KCNQ4: variants seen among roughly 807,000 people sequenced by gnomAD.
The protein encoded by KCNQ4 is potassium voltage-gated channel subfamily Q member 4.
A neutral mutation model predicts 72.6 loss-of-function variants in KCNQ4; 31 were observed. That is an observed-to-expected ratio of 0.43 (90% CI 0.32 to 0.58). The LOEUF (loss-of-function observed/expected upper bound fraction) is 0.58, where lower values mean the gene tolerates loss of function less well. Ranked by LOEUF, KCNQ4 falls within the 20% of genes least tolerant of loss-of-function variation. The pLI is 0.08. For missense variants in KCNQ4, 869 were observed against 962.6 expected, an observed-to-expected ratio of 0.90 and a Z score of 1.29; for synonymous variants, 405 against 403.7, an observed-to-expected ratio of 1.00 and a Z score of -0.04.
At chr1:40,800,236 A>G (rs11806761) in intron 1 of KCNQ4, among the ~76,000 whole-genome samples, 67,699 of 151,740 alleles carry the variant, frequency 0.45, 15,950 homozygotes, top group African/African-American at 0.6. Context: ...GGCCCCTCCC[A>G]GGGAGGGATG....
At chr1:40,795,679 G>A (rs928304177) in intron 1 of KCNQ4, among the ~76,000 whole-genome samples, 1 of 152,054 alleles carries the variant, frequency 6.6e-6, no homozygotes, top group Non-Finnish European at 1.5e-5. Context: ...AGAGACATAT[G>A]GGGGAGCGGG....
chr1:40,787,749 T>G lies in KCNQ4; in HGVS notation c.314+3342T>G, dbSNP rs575359147. On this transcript the variant is annotated intron_variant, in intron 1 of 13. Coordinates refer to ENST00000347132, the MANE Select transcript of KCNQ4 (RefSeq NM_004700.4). ...TAAGCCCTGAAGCCTTCACAGGCCC[T>G]GCTCTCTGAATTTTAAGAAATACCA... 6.2e-3 allele frequency among the ~76,000 whole-genome samples: 943 copies of G among 152,304 alleles called. 8 individuals are homozygous for G. The highest frequency in any genetic ancestry group is 0.022 in the African/African-American group (899 of 41,548).
At chr1:40,798,780 A>G (rs1396476567) in intron 1 of KCNQ4, among the ~76,000 whole-genome samples, 1 of 152,240 alleles carries the variant, frequency 6.6e-6, no homozygotes, top group East Asian at 1.9e-4. Flanking sequence ...CTCAAGCCAC[A>G]CCAACCCCTG....
intron 1 of KCNQ4, among the ~76,000 whole-genome samples, chr1:40,810,816 G>T (rs978561083): frequency 6.6e-6 from 1 of 152,144 alleles, no homozygotes; most frequent in Non-Finnish European, 1.5e-5. Context: ...AGTTGTCCCC[G>T]ACCTTTGTGT....
intron 7 of KCNQ4, among the ~76,000 whole-genome samples, chr1:40,821,093 C>T (rs1648275548): frequency 6.6e-6 from 1 of 152,202 alleles, no homozygotes; most frequent in Admixed American, 6.5e-5. Context: ...CAGCCACCAG[C>T]TCAGCCTTTT....
At chr1:40,796,872 C>T (rs1255017483) in intron 1 of KCNQ4, among the ~76,000 whole-genome samples, 2 of 151,892 alleles carry the variant, frequency 1.3e-5, no homozygotes, top group African/African-American at 2.4e-5. Context: ...GAGCCGAGAT[C>T]GTGCCACTGC....
In KCNQ4 at chr1:40,824,224, C is replaced by T. The variant is rs576041348; in HGVS notation, c.1258C>T (p.Arg420Trp). The change falls in exon 9 of 14, where the codon CGG becomes TGG. Residue 420 changes from arginine (R) to tryptophan (W), a missense_variant. Arg to Trp is a moderately radical substitution (Grantham distance 101). Coordinates refer to ENST00000347132, the MANE Select transcript of KCNQ4 (RefSeq NM_004700.4). The part of the protein sequence containing the change: ...SRYPPVATCH[R>W]PGSTSFCPGE... ...TTACCCGCCCGTTGCCACCTGCCACCGGCCGGGCAGCACCTCCTTCTGCCC... is the reference window on the plus strand; with the variant it reads ...TTACCCGCCCGTTGCCACCTGCCACTGGCCGGGCAGCACCTCCTTCTGCCC... The T allele has an allele frequency of 9.5e-5, 153 of 1,607,242 alleles. No individual in the cohort carries two copies. In the East Asian group the frequency reaches 1.3e-3, roughly 13 times the overall value.
intron 1 of KCNQ4, among the ~76,000 whole-genome samples, chr1:40,791,374 G>T (rs1048843632): frequency 1.5e-4 from 23 of 152,140 alleles, no homozygotes; most frequent in African/African-American, 5.3e-4. Context: ...CAGGTGACAG[G>T]GTGCCACTTC....
intron 1 of KCNQ4, among the ~76,000 whole-genome samples, chr1:40,801,291 C>G (rs1408658038): frequency 6.6e-6 from 1 of 152,122 alleles, no homozygotes; most frequent in Non-Finnish European, 1.5e-5. Flanking sequence ...TCTCCTCCTC[C>G]TTTGTTCTGT....
intron 13 of KCNQ4, 64 bp downstream of exon 13, chr1:40,837,858 G>T (rs904274108): frequency 1.9e-6 from 3 of 1,561,124 alleles, no homozygotes; most frequent in Non-Finnish European, 2.6e-6. Flanking sequence ...GCGGTGACAT[G>T]GGGAGGATGC....
rs772135867 is a variant in KCNQ4 at position 40,838,474 on chromosome 1, C to T, written c.2039C>T (p.Ser680Phe). The change falls in exon 14 of 14, where the codon TCC becomes TTC. Residue 680 changes from serine (S) to phenylalanine (F), a missense_variant. Coordinates refer to ENST00000347132, the MANE Select transcript of KCNQ4 (RefSeq NM_004700.4). The part of the protein sequence containing the change: ...SPVDHEDISV[S>F]AQTLSISRSV... Reference sequence around the variant, plus strand: ...GTGGACCACGAGGACATCTCCGTCTCCGCACAGACGCTCAGCATCTCCCGC... The same window carrying T: ...GTGGACCACGAGGACATCTCCGTCTTCGCACAGACGCTCAGCATCTCCCGC... 1.1e-5 allele frequency: 18 copies of T among 1,614,056 alleles called. No homozygotes were observed. The East Asian group carries it at 1.3e-4, about 12-fold the overall frequency.
intron 1 of KCNQ4, among the ~76,000 whole-genome samples, chr1:40,789,952 T>TG (rs1001854104): frequency 2.0e-5 from 3 of 152,290 alleles, no homozygotes; most frequent in African/African-American, 4.8e-5. Context: ...TGTGGGTCTT[T>TG]GGGGAAGGTC....
intron 9 of KCNQ4, among the ~76,000 whole-genome samples, chr1:40,828,369 C>A (rs1395194859): frequency 6.6e-6 from 1 of 152,186 alleles, no homozygotes; most frequent in African/African-American, 2.4e-5. Flanking sequence ...TTGCGACTAT[C>A]ACATGCATGG....
intron 13 of KCNQ4, 66 bp from the exon 14 acceptor site, chr1:40,838,231 CGCCCCGAGACCCAA>C: frequency 1.6e-6 from 2 of 1,222,472 alleles, no homozygotes; most frequent in African/African-American, 3.0e-5. Context: ...GGCTAGGGTC[CGCCCCGAGACCCAA>C]GCCCCGCCCC....
chr1:40,838,270 C>G (rs1332933186), intron 13 of KCNQ4, 41 bp from the exon 14 acceptor site: 1 of 1,584,170 alleles, frequency 6.3e-7, no homozygotes. Flanking sequence ...CGCGTCCCCT[C>G]CGGTCCCAGG....
Position 40,784,741 on chromosome 1 carries a change from C to T in KCNQ4, c.314+334C>T, listed in dbSNP as rs1000840350. Among the ~76,000 whole-genome samples, 3 of 152,238 alleles carry T rather than the reference C, an allele frequency of 2.0e-5. No homozygotes were observed. The highest frequency in any genetic ancestry group is 4.4e-5 in the Non-Finnish European group (3 of 68,028). On this transcript the variant is annotated intron_variant, in intron 1 of 13. Coordinates refer to ENST00000347132, the MANE Select transcript of KCNQ4 (RefSeq NM_004700.4). The surrounding 1 kb of genome is among the most constrained non-coding windows in gnomAD (Gnocchi z 4.1). ...AGTCCGCTTGGCGAAGTCTGGGGCC[C>T]CTGGAGTGGGCGCCCTTTTCCTCTT... is the stretch of plus-strand genomic sequence containing the variant.
intron 1 of KCNQ4, among the ~76,000 whole-genome samples, chr1:40,790,736 G>A (rs912901863): frequency 3.3e-5 from 5 of 152,192 alleles, no homozygotes; most frequent in African/African-American, 1.2e-4. Flanking sequence ...CTCCATACCA[G>A]GACCAGGGAG....
At chr1:40,809,541 A>G (rs1490373845) in intron 1 of KCNQ4, among the ~76,000 whole-genome samples, 2 of 152,030 alleles carry the variant, frequency 1.3e-5, no homozygotes, top group Non-Finnish European at 2.9e-5. Flanking sequence ...TCTCCTTCCT[A>G]GTTCCCGTTT....
In KCNQ4 at chr1:40,784,503, T is replaced by G; in HGVS notation, c.314+96T>G. The G allele has an allele frequency of 8.2e-7, 1 of 1,218,426 alleles. No homozygotes were observed. Among genetic ancestry groups the G allele is most frequent in the Non-Finnish European group, 1.2e-6 (1 of 841,092 alleles). The allele number at this position is 1,218,426 out of a possible 1,614,324, so 75.5% of individuals were successfully genotyped here. A position where few individuals can be genotyped will look rare whatever the true frequency, so the allele number is the denominator to read the frequency against. Reference sequence around the variant, plus strand: ...GCCCTGGCTCCGCCTTCTACCCCCCTGCCTCAGGGCCGACCCTCATCTCTC... The same window carrying G: ...GCCCTGGCTCCGCCTTCTACCCCCCGGCCTCAGGGCCGACCCTCATCTCTC... On this transcript the variant is annotated intron_variant, in intron 1 of 13. Transcript: ENST00000347132. This position sits in a 1 kb window ranked among gnomAD's most constrained non-coding sequence, Gnocchi z 4.1.
Sources: gnomAD v4.1 joint callset for allele counts (sites outside exome capture counted in the v4.1 genomes callset) on GRCh38, gnomAD v4.1.1 for gene constraint, Gnocchi (gnomAD v3.1) non-coding constraint, MANE v1.5 for transcripts, NCBI Gene and HGNC (gene_info 2026-07-23, HGNC 2026-07-21) for gene names.